NPAS3: variants seen among roughly 807,000 people sequenced by gnomAD.
The protein encoded by NPAS3 is neuronal PAS domain protein 3.
A neutral mutation model predicts 73.1 loss-of-function variants in NPAS3; 14 were observed. The observed-to-expected ratio is 0.19, with a 90% CI of 0.13 to 0.30. NPAS3 has a LOEUF of 0.30. NPAS3 is among the 10% of genes least tolerant of loss of function. The pLI, the probability that NPAS3 is intolerant of heterozygous loss-of-function variation, is 1.00. For missense variants in NPAS3, 1,096 were observed against 1,250.0 expected (o/e 0.88, Z 1.86); for synonymous variants, 620 against 541.5 (o/e 1.14, Z -2.01).
chr14:33,788,222 T>G (rs949923914), intron 9 of NPAS3, among the ~76,000 whole-genome samples: 1 of 152,178 alleles, frequency 6.6e-6, no homozygotes, highest in African/African-American at 2.4e-5. Flanking sequence ...TCAAAAATAA[T>G]TTTTGAGTCT....
intron 1 of NPAS3, among the ~76,000 whole-genome samples, chr14:33,052,037 G>A (rs1033643163): frequency 3.9e-5 from 6 of 152,168 alleles, no homozygotes; most frequent in Non-Finnish European, 1.5e-5. Context: ...GGGATTACAG[G>A]TGTGAGCCAC....
At chr14:33,032,448 G>C (rs899354583) in intron 1 of NPAS3, among the ~76,000 whole-genome samples, 1 of 152,096 alleles carries the variant, frequency 6.6e-6, no homozygotes, top group Non-Finnish European at 1.5e-5. Flanking sequence ...TTTCTTTATG[G>C]AGCTTTTGAG....
rs189394923 is a variant in NPAS3 at position 33,516,512 on chromosome 14, G to T, written c.469-43609G>T. Among the ~76,000 whole-genome samples the T allele has an allele frequency of 3.4e-3, 515 of 152,242 alleles. 1 individual carries two copies. The highest frequency in any genetic ancestry group is 5.9e-3 in the Non-Finnish European group (402 of 67,998). On this transcript the variant is annotated intron_variant, in intron 4 of 11. Coordinates refer to ENST00000356141, the Ensembl canonical transcript of NPAS3. The stretch of plus-strand genomic sequence containing the variant: ...AGGAAAATATAACTAAGTGTAGAGA[G>T]TGGAGAACCAGAGTCAGACTATCTA...
intron 3 of NPAS3, among the ~76,000 whole-genome samples, chr14:33,364,505 T>G (rs2045745446): frequency 6.6e-6 from 1 of 152,168 alleles, no homozygotes; most frequent in African/African-American, 2.4e-5. Context: ...ATCACCTGCA[T>G]AAGTGCAAAA....
chr14:33,505,740 C>A (rs568709421), intron 4 of NPAS3, among the ~76,000 whole-genome samples: 1 of 152,120 alleles, frequency 6.6e-6, no homozygotes, highest in Admixed American at 6.5e-5. Context: ...CAAAGATACA[C>A]AGTTGAACAC....
chr14:33,309,883 C>T (rs570984894), intron 3 of NPAS3, among the ~76,000 whole-genome samples: 4 of 152,238 alleles, frequency 2.6e-5, no homozygotes, highest in African/African-American at 9.6e-5. Context: ...TGTCATATTT[C>T]CCTCGTGAGA....
chr14:33,055,817 A>T, intron 1 of NPAS3, 88 bp from the exon 2 acceptor site: 1 of 702,996 alleles, frequency 1.4e-6, no homozygotes, highest in South Asian at 1.6e-5. Flanking sequence ...AGCAAAATAT[A>T]TTGAATTTCA....
intron 2 of NPAS3, among the ~76,000 whole-genome samples, chr14:33,145,267 A>T (rs2044197611): frequency 6.6e-6 from 1 of 152,164 alleles, no homozygotes; most frequent in Non-Finnish European, 1.5e-5. Flanking sequence ...TTCTTTTCCA[A>T]TCCCTAATAA....
intron 3 of NPAS3, among the ~76,000 whole-genome samples, chr14:33,254,017 A>G (rs905663470): frequency 2.6e-5 from 4 of 151,952 alleles, no homozygotes; most frequent in African/African-American, 9.7e-5. Context: ...CTCACATTCT[A>G]CTTCTTATTC....
intron 5 of NPAS3, among the ~76,000 whole-genome samples, chr14:33,606,659 G>A (rs1324442831): frequency 6.6e-6 from 1 of 152,088 alleles, no homozygotes; most frequent in Non-Finnish European, 1.5e-5. Flanking sequence ...GAAAACGTGA[G>A]AAAACTTTTG....
intron 3 of NPAS3, among the ~76,000 whole-genome samples, chr14:33,249,249 G>A (rs1432646170): frequency 6.6e-6 from 1 of 152,038 alleles, no homozygotes; most frequent in African/African-American, 2.4e-5. Context: ...CCAAAGCGAA[G>A]TCAATAGTCA....
intron 5 of NPAS3, among the ~76,000 whole-genome samples, chr14:33,599,741 T>A (rs1346209487): frequency 6.6e-6 from 1 of 152,146 alleles, no homozygotes; most frequent in African/African-American, 2.4e-5. Flanking sequence ...ATTCAGGAGA[T>A]CTTGACTTAG....
At chr14:33,736,542 C>T (rs751015042) in intron 7 of NPAS3, among the ~76,000 whole-genome samples, 3 of 152,176 alleles carry the variant, frequency 2.0e-5, no homozygotes, top group Non-Finnish European at 4.4e-5. Context: ...CAGACCCTAT[C>T]CTTAGGACCA....
chr14:33,633,281 G>T (rs978995734), intron 5 of NPAS3, among the ~76,000 whole-genome samples: 1 of 151,980 alleles, frequency 6.6e-6, no homozygotes, highest in Non-Finnish European at 1.5e-5. Flanking sequence ...TGATGCCCTC[G>T]AATGCAAACT....
intron 3 of NPAS3, among the ~76,000 whole-genome samples, chr14:33,220,368 G>T (rs1387787900): frequency 6.6e-6 from 1 of 152,112 alleles, no homozygotes; most frequent in Non-Finnish European, 1.5e-5. Flanking sequence ...GGGAGTGAGT[G>T]CCAGGTTTTA....
At chr14:33,256,834 A>G (rs2048795999) in intron 3 of NPAS3, among the ~76,000 whole-genome samples, 1 of 152,232 alleles carries the variant, frequency 6.6e-6, no homozygotes, top group Non-Finnish European at 1.5e-5. Context: ...TTGAAAGAAT[A>G]AATGAAATGT....
chr14:33,577,250 T>C (rs183911978), intron 5 of NPAS3, among the ~76,000 whole-genome samples: 1 of 152,350 alleles, frequency 6.6e-6, no homozygotes, highest in African/African-American at 2.4e-5. Context: ...TTGATGCATG[T>C]GATTTTTACA....
chr14:33,275,873 A>AT (rs2140035415), intron 3 of NPAS3, among the ~76,000 whole-genome samples: 1 of 152,332 alleles, frequency 6.6e-6, no homozygotes, highest in East Asian at 1.9e-4. Context: ...AAAGCCACAC[A>AT]ACTATATGTG....
chr14:33,677,692 A>G (rs1295904459), intron 6 of NPAS3, among the ~76,000 whole-genome samples: 1 of 152,076 alleles, frequency 6.6e-6, no homozygotes, highest in Non-Finnish European at 1.5e-5. Context: ...ACTGAAGTTA[A>G]CTGTAGTTTC....
Sources: gnomAD v4.1 joint callset for allele counts (sites outside exome capture counted in the v4.1 genomes callset) on GRCh38, gnomAD v4.1.1 for gene constraint, MANE v1.5 for transcripts, NCBI Gene and HGNC (gene_info 2026-07-23, HGNC 2026-07-21) for gene names.